EXOC4: variants seen among roughly 807,000 people sequenced by gnomAD.
The protein encoded by EXOC4 is SEC8-like 1.
Under a neutral mutation model 107.2 loss-of-function variants are expected in EXOC4, and 71 were observed. The ratio of observed to expected loss-of-function variants is 0.66; its 90% CI spans 0.55 to 0.81. The LOEUF (loss-of-function observed/expected upper bound fraction) is 0.81. Ranked by LOEUF, EXOC4 falls within the 30% of genes least tolerant of loss-of-function variation. EXOC4 has a pLI of 0.00. For synonymous variants in EXOC4, 456 were observed against 441.2 expected (o/e 1.03, Z -0.42); for missense variants, 1,108 against 1,189.6 (o/e 0.93, Z 1.01).
chr7:133,320,911 A>T (rs575054230), intron 5 of EXOC4, among the ~76,000 whole-genome samples: 5 of 152,206 alleles, frequency 3.3e-5, no homozygotes, highest in Non-Finnish European at 5.9e-5. Context: ...AAAAGCAGGA[A>T]TTTTGTCTTA....
chr7:133,823,333 C>T (rs967248695), intron 11 of EXOC4, among the ~76,000 whole-genome samples: 4 of 152,114 alleles, frequency 2.6e-5, no homozygotes, highest in Admixed American at 2.6e-4. Flanking sequence ...CCATTAGAAT[C>T]ACCCAGGAAC....
intron 7 of EXOC4, among the ~76,000 whole-genome samples, chr7:133,422,362 T>C (rs1317540733): frequency 6.6e-6 from 1 of 152,208 alleles, no homozygotes; most frequent in East Asian, 1.9e-4. Context: ...ATGTTTAAGC[T>C]TGGTTTTAGA....
At chr7:133,633,044 G>A (rs1053332284) in intron 10 of EXOC4, among the ~76,000 whole-genome samples, 4 of 152,130 alleles carry the variant, frequency 2.6e-5, no homozygotes, top group African/African-American at 7.2e-5. Flanking sequence ...CTCAATGCTT[G>A]TTACTAGACT....
intron 14 of EXOC4, among the ~76,000 whole-genome samples, chr7:133,971,486 CATAA>C: frequency 6.8e-6 from 1 of 147,880 alleles, no homozygotes; most frequent in Non-Finnish European, 1.5e-5. Context: ...CACATATATA[CATAA>C]ATATATTTTT....
chr7:134,003,084 G>A (rs976683233), intron 15 of EXOC4, among the ~76,000 whole-genome samples: 5 of 152,088 alleles, frequency 3.3e-5, no homozygotes, highest in Non-Finnish European at 2.9e-5. Flanking sequence ...ATCAATGGGC[G>A]AATAGATAAT....
intron 7 of EXOC4, among the ~76,000 whole-genome samples, chr7:133,406,749 A>G (rs1335456790): frequency 6.6e-6 from 1 of 152,240 alleles, no homozygotes; most frequent in Non-Finnish European, 1.5e-5. Flanking sequence ...CATTTAGGCA[A>G]CAGTCATTGA....
chr7:133,913,723 C>G (rs1190685834), intron 12 of EXOC4, among the ~76,000 whole-genome samples: 1 of 152,150 alleles, frequency 6.6e-6, no homozygotes, highest in Admixed American at 6.5e-5. Context: ...AAGTAGAGTT[C>G]TACAGTAAGC....
At chr7:133,998,059 T>C (rs1336131690) in intron 15 of EXOC4, among the ~76,000 whole-genome samples, 1 of 152,222 alleles carries the variant, frequency 6.6e-6, no homozygotes, top group Non-Finnish European at 1.5e-5. Flanking sequence ...GGTGACTTTA[T>C]TGTGATTGAT....
chr7:133,648,230 T>C (rs1289249945), intron 10 of EXOC4, among the ~76,000 whole-genome samples: 1 of 152,216 alleles, frequency 6.6e-6, no homozygotes, highest in Non-Finnish European at 1.5e-5. Flanking sequence ...TAAATATTTT[T>C]AGAAGTGAAC....
chr7:133,917,509 C>G (rs1799836174), intron 12 of EXOC4, 74 bp from the exon 13 acceptor site: 2 of 1,451,724 alleles, frequency 1.4e-6, no homozygotes, highest in South Asian at 2.6e-5. Flanking sequence ...TTTCCTGCAG[C>G]AAAGGTAGAT....
rs1563029822 is a variant in EXOC4, at chr7:133,857,169, TA to T, written c.1735-38429del. Reference sequence around the variant, plus strand: ...ACACGTATATATATATATATATATATATATATATATATATATATATATATAT... The same window carrying T: ...ACACGTATATATATATATATATATATTATATATATATATATATATATATAT... On this transcript the variant is annotated intron_variant, in intron 11 of 17. Coordinates refer to ENST00000253861, the MANE Select transcript of EXOC4 (RefSeq NM_021807.4). Among the ~76,000 whole-genome samples, 9 of 15,018 alleles carry T rather than the reference TA, an allele frequency of 6.0e-4. 1 individual carries two copies. The highest frequency in any genetic ancestry group is 5.2e-3 in the South Asian group (2 of 382). The allele number at this position is 15,018 out of a possible 152,430, so 9.9% of individuals were successfully genotyped here. A position where few individuals can be genotyped will look rare whatever the true frequency, so the allele number is the denominator to read the frequency against.
chr7:133,693,916 T>A (rs1056826750), intron 10 of EXOC4, among the ~76,000 whole-genome samples: 1 of 152,098 alleles, frequency 6.6e-6, no homozygotes, highest in Admixed American at 6.5e-5. Flanking sequence ...GCTGAAGAGA[T>A]AATGCTTACC....
At chr7:133,537,296 A>ACCCCCCCCCCCCC (rs373040586) in intron 9 of EXOC4, among the ~76,000 whole-genome samples, 2 of 128,058 alleles carry the variant, frequency 1.6e-5, no homozygotes, top group Admixed American at 7.6e-5. Flanking sequence ...GATTACAGGC[A>ACCCCCCCCCCCCC]CCCCCCCCCC....
At chr7:134,073,232 A>AAAAAAAAAAAAAAAAAC in the EXOC4 span, among the ~76,000 whole-genome samples, 1 of 10,728 alleles carries the variant, frequency 9.3e-5, no homozygotes, top group African/African-American at 4.6e-4. Context: ...AAAAAAAAAA[A>AAAAAAAAAAAAAAAAAC]CAACAAAGAA....
intron 11 of EXOC4, among the ~76,000 whole-genome samples, chr7:133,838,705 C>G (rs1797967176): frequency 6.6e-6 from 1 of 152,186 alleles, no homozygotes; most frequent in Non-Finnish European, 1.5e-5. Context: ...AGTAGCAAGG[C>G]TGTAGACCAG....
At position 133,910,740 on chromosome 7, in the gene EXOC4, G is replaced by A. The variant is rs531585884; in HGVS notation, c.1872-6843G>A. Among the ~76,000 whole-genome samples, 6 of 152,270 alleles carry A rather than the reference G, an allele frequency of 3.9e-5. No homozygotes were observed. The East Asian group carries it at 7.7e-4, about 20-fold the overall frequency. ...TCATTCACAGTCTAAATTGGACGACGGCACTTTACTTTGGACCAGTCTTGT... is the reference window on the plus strand; with the variant it reads ...TCATTCACAGTCTAAATTGGACGACAGCACTTTACTTTGGACCAGTCTTGT... On this transcript the variant is annotated intron_variant, in intron 12 of 17. Coordinates refer to ENST00000253861, the MANE Select transcript of EXOC4 (RefSeq NM_021807.4).
chr7:133,484,054 A>T, intron 9 of EXOC4: 1 of 1,614,076 alleles, frequency 6.2e-7, no homozygotes, highest in Non-Finnish European at 8.5e-7. Flanking sequence ...GCGGCGAAGA[A>T]ATCCACCAGA....
chr7:133,735,746 T>C (rs1281683619), intron 10 of EXOC4, among the ~76,000 whole-genome samples: 5 of 152,124 alleles, frequency 3.3e-5, no homozygotes, highest in Non-Finnish European at 5.9e-5. Flanking sequence ...AGAATCTTGC[T>C]CCATGATCCC....
At chr7:133,934,536 G>A (rs1454823033) in intron 13 of EXOC4, among the ~76,000 whole-genome samples, 2 of 152,136 alleles carry the variant, frequency 1.3e-5, no homozygotes, top group South Asian at 2.1e-4. Flanking sequence ...GGCAGCACAC[G>A]GCAGACATGC....
Sources: gnomAD v4.1 joint callset for allele counts (sites outside exome capture counted in the v4.1 genomes callset) on GRCh38, gnomAD v4.1.1 for gene constraint, MANE v1.5 for transcripts, NCBI Gene and HGNC (gene_info 2026-07-23, HGNC 2026-07-21) for gene names.